STX8: variants seen among roughly 807,000 people sequenced by gnomAD.
STX8 encodes the protein syntaxin-8.
Under a neutral mutation model 37.5 loss-of-function variants are expected in STX8, and 23 were observed. The ratio of observed to expected loss-of-function variants is 0.61; its 90% confidence interval spans 0.44 to 0.87. STX8 has a LOEUF of 0.87. STX8 is among the 40% of genes least tolerant of loss of function. STX8 has a pLI of 0.00. For synonymous variants in STX8, 115 were observed against 99.1 expected (o/e 1.16, Z -0.95); for missense variants, 313 against 284.7 (o/e 1.10, Z -0.71).
chr17:9,492,658 G>A (rs1422464390), intron 5 of STX8, among the ~76,000 whole-genome samples: 1 of 152,174 alleles, frequency 6.6e-6, no homozygotes, highest in Non-Finnish European at 1.5e-5. Context: ...GCTCTATGAA[G>A]ATGAACCAGC....
intron 7 of STX8, among the ~76,000 whole-genome samples, chr17:9,373,855 C>T (rs1447686517): frequency 6.6e-6 from 1 of 151,346 alleles, no homozygotes; most frequent in Non-Finnish European, 1.5e-5. Flanking sequence ...AGGAGAATCG[C>T]TCGAACCCGG....
intron 4 of STX8, among the ~76,000 whole-genome samples, chr17:9,540,265 AG>A (rs1650424694): frequency 6.6e-6 from 1 of 152,112 alleles, no homozygotes. Flanking sequence ...TTCCCTGACT[AG>A]TTGGAGCAAC....
chr17:9,433,455 C>A (rs760842218), intron 6 of STX8, among the ~76,000 whole-genome samples: 99 of 152,198 alleles, frequency 6.5e-4, no homozygotes, highest in Non-Finnish European at 1.2e-3. Context: ...CACAATATCA[C>A]TCATGAAAAG....
At chr17:9,568,690 T>G (rs192679167) in intron 1 of STX8, among the ~76,000 whole-genome samples, 45 of 152,164 alleles carry the variant, frequency 3.0e-4, no homozygotes, top group African/African-American at 1.1e-3. Context: ...TTAGTAGAGA[T>G]GAGGTTTCAC....
intron 6 of STX8, chr17:9,467,362 C>T (rs1315422677): frequency 6.6e-6 from 1 of 152,214 alleles, no homozygotes; most frequent in East Asian, 1.9e-4. Flanking sequence ...GCTGTAGGGT[C>T]TGGAGGGTGA....
chr17:9,298,190 A>G (rs1315341645), intron 7 of STX8, among the ~76,000 whole-genome samples: 1 of 152,128 alleles, frequency 6.6e-6, no homozygotes, highest in African/African-American at 2.4e-5. Flanking sequence ...GCATGGATGA[A>G]CTGATGGGAG....
intron 6 of STX8, among the ~76,000 whole-genome samples, chr17:9,478,192 G>A (rs1906176043): frequency 6.6e-6 from 1 of 152,194 alleles, no homozygotes; most frequent in Non-Finnish European, 1.5e-5. Flanking sequence ...CTGGAGTGCA[G>A]TGGTGCAATC....
intron 4 of STX8, among the ~76,000 whole-genome samples, chr17:9,509,180 C>T (rs1208055384): frequency 1.3e-5 from 2 of 152,052 alleles, no homozygotes; most frequent in East Asian, 1.9e-4. Flanking sequence ...ACCTGGGAGG[C>T]GGAGGTTGCA....
chr17:9,261,584 A>C (rs959295133), intron 7 of STX8, among the ~76,000 whole-genome samples: 2 of 152,186 alleles, frequency 1.3e-5, no homozygotes, highest in Non-Finnish European at 2.9e-5. Flanking sequence ...CTTCCTGCAC[A>C]GAAAGTGCTG....
chr17:9,571,730 C>T (rs1376359172), intron 1 of STX8, among the ~76,000 whole-genome samples: 2 of 151,712 alleles, frequency 1.3e-5, no homozygotes, highest in African/African-American at 2.4e-5. Context: ...GCCTGGCCAA[C>T]ATGGCAAAAC....
chr17:9,474,235 C>T (rs1297246155), intron 6 of STX8, among the ~76,000 whole-genome samples: 5 of 152,176 alleles, frequency 3.3e-5, no homozygotes, highest in Non-Finnish European at 7.3e-5. Flanking sequence ...GCCCTATATA[C>T]TGTGCCTTTT....
intron 4 of STX8, among the ~76,000 whole-genome samples, chr17:9,528,160 G>A (rs1165394217): frequency 6.6e-6 from 1 of 152,160 alleles, no homozygotes; most frequent in Non-Finnish European, 1.5e-5. Flanking sequence ...AGGTATGTAT[G>A]TTTGTAAATT....
At chr17:9,357,726 T>C (rs964672896) in intron 7 of STX8, among the ~76,000 whole-genome samples, 1 of 151,908 alleles carries the variant, frequency 6.6e-6, no homozygotes, top group African/African-American at 2.4e-5. Context: ...ATATAAAAAA[T>C]TAAAATTTTT....
intron 6 of STX8, among the ~76,000 whole-genome samples, chr17:9,453,384 C>A (rs1362330108): frequency 6.6e-6 from 1 of 151,714 alleles, no homozygotes; most frequent in Non-Finnish European, 1.5e-5. Context: ...AATTGTGGGA[C>A]AGATGGTGAA....
At chr17:9,481,190 C>A (rs1241567150) in intron 6 of STX8, among the ~76,000 whole-genome samples, 3 of 152,040 alleles carry the variant, frequency 2.0e-5, no homozygotes, top group Non-Finnish European at 4.4e-5. Context: ...GCCTCCTATG[C>A]CAATTTCTAA....
intron 2 of STX8, among the ~76,000 whole-genome samples, chr17:9,564,169 G>A (rs968235166): frequency 6.6e-6 from 1 of 152,076 alleles, no homozygotes; most frequent in Non-Finnish European, 1.5e-5. Flanking sequence ...CATTCCACTT[G>A]AAAACTGGCA....
intron 6 of STX8, among the ~76,000 whole-genome samples, chr17:9,384,330 C>A (rs1216116372): frequency 6.6e-6 from 1 of 151,992 alleles, no homozygotes; most frequent in African/African-American, 2.4e-5. Context: ...TTTAGAATAA[C>A]CAAAATAATC....
At chr17:9,363,309 A>G (rs1342613477) in intron 7 of STX8, among the ~76,000 whole-genome samples, 1 of 152,216 alleles carries the variant, frequency 6.6e-6, no homozygotes, top group Non-Finnish European at 1.5e-5. Context: ...ACTAGAATCC[A>G]ATTCTTCATT....
intron 7 of STX8, among the ~76,000 whole-genome samples, chr17:9,296,658 T>C (rs1908560973): frequency 6.7e-6 from 1 of 150,302 alleles, no homozygotes; most frequent in Admixed American, 6.6e-5. Context: ...ACCAAGGGCA[T>C]TTCTAGATAG....
Sources: allele counts gnomAD v4.1 joint callset (sites outside exome capture counted in the v4.1 genomes callset), GRCh38; gene constraint gnomAD v4.1.1; transcripts MANE v1.5; gene names NCBI Gene and HGNC (gene_info 2026-07-23, HGNC 2026-07-21).